The following CLMN variants were observed in gnomAD, a reference collection of about 807,000 sequenced individuals.
CLMN encodes calmin.
CLMN carries 57 observed loss-of-function variants against 92.7 expected under a neutral mutation model. The ratio of observed to expected loss-of-function variants is 0.61; its 90% confidence interval spans 0.50 to 0.77. The LOEUF (loss-of-function observed/expected upper bound fraction) is 0.77, where lower values mean the gene tolerates loss of function less well. Among genes scored for constraint, CLMN ranks in the 30% least tolerant of loss-of-function variants. The pLI is 0.00. For synonymous variants in CLMN, 466 were observed against 470.6 expected, an observed-to-expected ratio of 0.99 and a Z score of 0.13; for missense variants, 1,158 against 1,237.5, an observed-to-expected ratio of 0.94 and a Z score of 0.96.
chr14:95,214,962 T>C (rs7493473), intron 5 of CLMN, among the ~76,000 whole-genome samples: 10,004 of 152,206 alleles, frequency 0.066, 435 homozygotes, highest in South Asian at 0.15. Flanking sequence ...GCTCTCTCCT[T>C]CTGACAGGGA....
In CLMN at chr14:95,291,302, C is replaced by T. The variant is rs560140129; in HGVS notation, c.82+28409G>A. On this transcript the variant is annotated intron_variant, in intron 1 of 12. Coordinates refer to ENST00000298912, the MANE Select transcript of CLMN (RefSeq NM_024734.4). ...CGCCTGTGAAATGGGAGCCAGGCAG[C>T]CTAGCCATGGCGATGGCCTGTAAAC... 9.2e-5 allele frequency among the ~76,000 whole-genome samples: 14 copies of T among 152,300 alleles called. No homozygotes were observed. In the East Asian group the frequency reaches 2.3e-3, roughly 25 times the overall value.
intron 1 of CLMN, among the ~76,000 whole-genome samples, chr14:95,264,504 A>G (rs143844224): frequency 1.6e-4 from 25 of 152,304 alleles, no homozygotes; most frequent in Admixed American, 1.4e-3. Context: ...CAGAGGGCTC[A>G]ATAAATGGCT....
At chr14:95,245,013 A>G (rs1430914443) in intron 1 of CLMN, among the ~76,000 whole-genome samples, 2 of 145,544 alleles carry the variant, frequency 1.4e-5, no homozygotes, top group East Asian at 2.1e-4. Flanking sequence ...ACACACACAT[A>G]AGGATCTAAA....
chr14:95,193,962 G>C, intron 11 of CLMN, 43 bp from the exon 12 acceptor site: 8 of 1,603,330 alleles, frequency 5.0e-6, no homozygotes, highest in Non-Finnish European at 6.8e-6. Flanking sequence ...AACCCAATTA[G>C]TAAAGATGAA....
intron 4 of CLMN, among the ~76,000 whole-genome samples, chr14:95,220,516 G>A (rs1897501730): frequency 6.6e-6 from 1 of 152,202 alleles, no homozygotes; most frequent in Non-Finnish European, 1.5e-5. Context: ...TCCGTGGGTG[G>A]ACAGGCGGGT....
In CLMN at chr14:95,194,814, T is replaced by C. The variant is rs1252977416; in HGVS notation, c.2709-218A>G. On this transcript the variant is annotated intron_variant, in intron 10 of 12. Transcript: ENST00000298912. The surrounding 1 kb of genome is among the most constrained non-coding windows in gnomAD (Gnocchi z 4.0). ...TATTAGTGATACACACATTGGGCCC[T>C]CATCTACAAGAAAAATCAAAGTCAG... is the stretch of plus-strand genomic sequence containing the variant. Among the ~76,000 whole-genome samples, 1 of 152,192 alleles carries C rather than the reference T, an allele frequency of 6.6e-6. No individual in the cohort carries two copies. The highest frequency in any genetic ancestry group is 1.5e-5 in the Non-Finnish European group (1 of 68,030).
intron 1 of CLMN, among the ~76,000 whole-genome samples, chr14:95,310,425 G>T (rs1038388899): frequency 2.0e-5 from 3 of 152,110 alleles, no homozygotes; most frequent in Non-Finnish European, 4.4e-5. Flanking sequence ...TGATTAGTTA[G>T]GTCCACTTGG....
rs79752701 is a variant in CLMN at position 95,217,358 on chromosome 14, C to G, written c.325-1625G>C. Among the ~76,000 whole-genome samples the G allele has an allele frequency of 6.1e-3, 934 of 152,194 alleles. 3 individuals carry two copies. Among genetic ancestry groups the G allele is most frequent in the Non-Finnish European group, 9.9e-3 (671 of 68,014 alleles). On this transcript the variant is annotated intron_variant, in intron 4 of 12. Coordinates refer to ENST00000298912, the MANE Select transcript of CLMN (RefSeq NM_024734.4). ...ATCCTATCAGTTCATCATGGGTTTCCGACAACACCAATCATTTAGGCCTGG... is the reference window on the plus strand; with the variant it reads ...ATCCTATCAGTTCATCATGGGTTTCGGACAACACCAATCATTTAGGCCTGG...
chr14:95,195,854 C>T (rs1035212828), intron 10 of CLMN, among the ~76,000 whole-genome samples: 7 of 152,206 alleles, frequency 4.6e-5, no homozygotes, highest in African/African-American at 1.7e-4. Flanking sequence ...AGCAGTTACA[C>T]ATTTTCCCTG....
At chr14:95,223,669 G>T in intron 3 of CLMN, 91 bp downstream of exon 3, 2 of 951,840 alleles carry the variant, frequency 2.1e-6, no homozygotes, top group Non-Finnish European at 1.6e-6. Context: ...CTTATTATAG[G>T]ATATGTCCAG....
chr14:95,265,933 T>C (rs1899455628), intron 1 of CLMN, among the ~76,000 whole-genome samples: 1 of 152,216 alleles, frequency 6.6e-6, no homozygotes, highest in Non-Finnish European at 1.5e-5. Flanking sequence ...CATCTCCTGA[T>C]GAAACCAGAC....
At chr14:95,301,865 A>C (rs1033724613) in intron 1 of CLMN, among the ~76,000 whole-genome samples, 3 of 152,230 alleles carry the variant, frequency 2.0e-5, no homozygotes, top group African/African-American at 7.2e-5. Context: ...AGTACGTGTC[A>C]ACTACTGCTG....
At chr14:95,311,256 A>T (rs947544514) in intron 1 of CLMN, among the ~76,000 whole-genome samples, 5 of 152,070 alleles carry the variant, frequency 3.3e-5, no homozygotes, top group African/African-American at 9.7e-5. Flanking sequence ...GGCTCAGAAC[A>T]CTGCTTTTAA....
At chr14:95,235,857 G>C (rs541361079) in intron 1 of CLMN, among the ~76,000 whole-genome samples, 1 of 152,122 alleles carries the variant, frequency 6.6e-6, no homozygotes, top group Non-Finnish European at 1.5e-5. Flanking sequence ...ATCTCTACAC[G>C]CGCTCGCCCA....
chr14:95,314,855 G>T (rs1901694406), intron 1 of CLMN, among the ~76,000 whole-genome samples: 1 of 152,208 alleles, frequency 6.6e-6, no homozygotes, highest in Admixed American at 6.5e-5. Flanking sequence ...TTAGAACCAG[G>T]CACACAGCCC....
chr14:95,230,246 C>G, intron 1 of CLMN, 113 bp from the exon 2 acceptor site: 1 of 963,750 alleles, frequency 1.0e-6, no homozygotes, highest in Admixed American at 1.8e-5. Flanking sequence ...CCCAGGGTGT[C>G]CCATGTAAGA....
chr14:95,271,370 C>T (rs1340791419), intron 1 of CLMN, among the ~76,000 whole-genome samples: 5 of 152,206 alleles, frequency 3.3e-5, no homozygotes, highest in East Asian at 3.8e-4. Context: ...AGTCCCAGAA[C>T]AGCAGCCGTG....
chr14:95,285,183 T>C (rs2140747783), intron 1 of CLMN, among the ~76,000 whole-genome samples: 1 of 152,352 alleles, frequency 6.6e-6, no homozygotes, highest in East Asian at 1.9e-4. Flanking sequence ...CCTCTCACCA[T>C]GATTCTGAGG....
intron 1 of CLMN, among the ~76,000 whole-genome samples, chr14:95,287,937 C>G (rs963813918): frequency 6.6e-6 from 1 of 152,176 alleles, no homozygotes; most frequent in African/African-American, 2.4e-5. Flanking sequence ...CAAGGCATCA[C>G]CTACCAGAGT....
Sources: gnomAD v4.1 joint callset for allele counts (sites outside exome capture counted in the v4.1 genomes callset) on GRCh38, gnomAD v4.1.1 for gene constraint, Gnocchi (gnomAD v3.1) non-coding constraint, MANE v1.5 for transcripts, NCBI Gene and HGNC (gene_info 2026-07-23, HGNC 2026-07-21) for gene names.